Variants in LARGE1 observed in about 807,000 individuals in gnomAD.
LARGE1 encodes xylosyl- and glucuronyltransferase LARGE1.
LARGE1 carries 43 observed loss-of-function variants against 87.6 expected under a neutral mutation model. The ratio of observed to expected loss-of-function variants is 0.49; its 90% CI spans 0.38 to 0.63. The LOEUF (loss-of-function observed/expected upper bound fraction) is 0.63, where lower values mean the gene tolerates loss of function less well. LARGE1 is among the 30% of genes least tolerant of loss of function. The probability of loss-of-function intolerance (pLI) is 0.00; values close to 1 mark genes in which losing one functional copy is unlikely to be tolerated. For synonymous variants in LARGE1, 434 were observed against 394.6 expected (o/e 1.10, Z -1.18); for missense variants, 802 against 1,000.2 (o/e 0.80, Z 2.67).
intron 2 of LARGE1, among the ~76,000 whole-genome samples, chr22:33,731,594 A>G (rs748229156): frequency 4.6e-5 from 7 of 152,166 alleles, no homozygotes; most frequent in Non-Finnish European, 1.0e-4. Flanking sequence ...CAAAGGGTAC[A>G]ATATTACAGT....
chr22:33,204,411 T>C (rs898649335), intron 11 of LARGE1, among the ~76,000 whole-genome samples: 1 of 152,184 alleles, frequency 6.6e-6, no homozygotes, highest in African/African-American at 2.4e-5. Flanking sequence ...AACTTTGCAT[T>C]TCACTAAAAT....
At chr22:33,288,632 T>A (rs1239227722) in intron 12 of LARGE1, among the ~76,000 whole-genome samples, 2 of 152,212 alleles carry the variant, frequency 1.3e-5, no homozygotes, top group African/African-American at 4.8e-5. Flanking sequence ...TGCTTAGGGT[T>A]GTTTAGCTGC....
chr22:33,359,162 G>C (rs1326829110), intron 9 of LARGE1, among the ~76,000 whole-genome samples: 1 of 152,066 alleles, frequency 6.6e-6, no homozygotes, highest in East Asian at 1.9e-4. Flanking sequence ...GTTCTATACA[G>C]TCATTATGTT....
chr22:33,550,397 T>C (rs1291459025), intron 6 of LARGE1, among the ~76,000 whole-genome samples: 1 of 152,132 alleles, frequency 6.6e-6, no homozygotes, highest in Non-Finnish European at 1.5e-5. Flanking sequence ...CCTAGAGATA[T>C]TTTTGCGTGT....
At chr22:33,896,816 C>T (rs1467279018) in intron 1 of LARGE1, among the ~76,000 whole-genome samples, 2 of 152,144 alleles carry the variant, frequency 1.3e-5, no homozygotes, top group African/African-American at 2.4e-5. Context: ...GATACTCACT[C>T]GTTCTCTCTC....
At chr22:33,457,233 T>A (rs181048015) in intron 6 of LARGE1, among the ~76,000 whole-genome samples, 58 of 151,816 alleles carry the variant, frequency 3.8e-4, no homozygotes, top group Non-Finnish European at 2.9e-4. Context: ...GTTCAAGCGA[T>A]TCTTGTGCCT....
chr22:33,654,086 A>G (rs1012971362), intron 2 of LARGE1, among the ~76,000 whole-genome samples: 3 of 152,190 alleles, frequency 2.0e-5, no homozygotes, highest in African/African-American at 7.2e-5. Flanking sequence ...TTAGACCCCA[A>G]ATGGTTTTAA....
At chr22:33,301,679 A>G (rs540592597) in intron 12 of LARGE1, among the ~76,000 whole-genome samples, 2 of 152,268 alleles carry the variant, frequency 1.3e-5, no homozygotes, top group South Asian at 2.1e-4. Flanking sequence ...AGAAAGTAAT[A>G]AAGTTTTAAA....
At position 33,833,099 on chromosome 22, in the gene LARGE1, A is replaced by G. The variant is rs896844060; in HGVS notation, c.-82-71541T>C. Among the ~76,000 whole-genome samples the G allele has an allele frequency of 2.0e-5, 3 of 152,200 alleles. No homozygotes were observed. In the East Asian group the frequency reaches 5.8e-4, roughly 29 times the overall value. Reference sequence around the variant, plus strand: ...AACCCCAAGAGCACTGTGCTCACCAAGCAGATGATGTCTCAGCCTGTAGAG... The same window carrying G: ...AACCCCAAGAGCACTGTGCTCACCAGGCAGATGATGTCTCAGCCTGTAGAG... On this transcript the variant is annotated intron_variant, in intron 1 of 14. Transcript: ENST00000397394.
chr22:33,679,570 C>T (rs537682604), intron 2 of LARGE1, among the ~76,000 whole-genome samples: 10 of 152,122 alleles, frequency 6.6e-5, no homozygotes, highest in South Asian at 2.1e-4. Flanking sequence ...AGGCCAGGTA[C>T]GGTGGTTCAC....
downstream of LARGE1, among the ~76,000 whole-genome samples, chr22:33,271,567 T>C (rs1037345875): frequency 6.6e-6 from 1 of 152,224 alleles, no homozygotes; most frequent in African/African-American, 2.4e-5. Context: ...AAGATTAGTA[T>C]TGGCTTATTT....
intron 2 of LARGE1, among the ~76,000 whole-genome samples, chr22:33,654,474 G>A (rs1232168821): frequency 1.3e-5 from 2 of 152,138 alleles, no homozygotes; most frequent in Non-Finnish European, 2.9e-5. Flanking sequence ...TGAATAGTGG[G>A]CCCTGCTGCC....
rs368767267 is a variant in LARGE1, at chr22:33,343,012, G to A, written c.1132-5211C>T. On this transcript the variant is annotated intron_variant, in intron 9 of 14. Coordinates refer to ENST00000397394, the MANE Select transcript of LARGE1 (RefSeq NM_133642.5). Reference sequence around the variant, plus strand: ...TTAGTTTGGTACAAAAAGTACTTGCGGTTTTCGCCATTAAAAATTGCAAAA... The same window carrying A: ...TTAGTTTGGTACAAAAAGTACTTGCAGTTTTCGCCATTAAAAATTGCAAAA... 1.4e-4 allele frequency among the ~76,000 whole-genome samples: 21 copies of A among 151,778 alleles called. No individual in the cohort carries two copies. The East Asian group carries it at 2.1e-3, about 15-fold the overall frequency.
intron 1 of LARGE1, among the ~76,000 whole-genome samples, chr22:33,772,282 G>A (rs1283305349): frequency 1.3e-5 from 2 of 151,870 alleles, no homozygotes; most frequent in African/African-American, 2.4e-5. Flanking sequence ...GTAGTGAGCC[G>A]AGATCACGCC....
At chr22:33,471,169 G>A (rs1601992726) in intron 6 of LARGE1, among the ~76,000 whole-genome samples, 1 of 151,644 alleles carries the variant, frequency 6.6e-6, no homozygotes, top group African/African-American at 2.4e-5. Flanking sequence ...CTGGGGTTAA[G>A]GGCACACACT....
chr22:33,364,352 C>T (rs1276616404), intron 9 of LARGE1, among the ~76,000 whole-genome samples: 5 of 152,130 alleles, frequency 3.3e-5, no homozygotes, highest in East Asian at 3.9e-4. Context: ...CCACTGTGTC[C>T]GGCCTATTTT....
the LARGE1 span, among the ~76,000 whole-genome samples, chr22:33,071,030 T>TA: frequency 6.6e-6 from 1 of 151,916 alleles, no homozygotes; most frequent in Non-Finnish European, 1.5e-5. Context: ...TTAAAAAAAA[T>TA]AAAAAAAGCC....
intron 2 of LARGE1, among the ~76,000 whole-genome samples, chr22:33,730,760 G>A (rs1419742841): frequency 2.0e-5 from 3 of 151,758 alleles, no homozygotes; most frequent in Non-Finnish European, 4.4e-5. Context: ...GTGCTATCTC[G>A]GCTCACTGCA....
chr22:33,774,246 T>C (rs769168080), intron 1 of LARGE1, among the ~76,000 whole-genome samples: 5 of 132,822 alleles, frequency 3.8e-5, no homozygotes, highest in Non-Finnish European at 8.4e-5. Flanking sequence ...GAAGAATCAA[T>C]AGGCTTCCTT....
Sources: allele counts gnomAD v4.1 joint callset (sites outside exome capture counted in the v4.1 genomes callset), GRCh38; gene constraint gnomAD v4.1.1; transcripts MANE v1.5; gene names NCBI Gene and HGNC (gene_info 2026-07-23, HGNC 2026-07-21).